The following FAM171A1 variants were observed in gnomAD, a reference collection of about 807,000 sequenced individuals.
The protein encoded by FAM171A1 is protein FAM171A1.
FAM171A1 carries 23 observed loss-of-function variants against 74.9 expected under a neutral mutation model. The ratio of observed to expected loss-of-function variants is 0.31; its 90% confidence interval spans 0.22 to 0.44. FAM171A1 has a LOEUF of 0.44. FAM171A1 is among the 20% of genes least tolerant of loss of function. The pLI is 1.00. For missense variants in FAM171A1, 1,162 were observed against 1,159.2 expected (o/e 1.00, Z -0.03); for synonymous variants, 527 against 505.7 (o/e 1.04, Z -0.57).
At chr10:15,274,149 C>T (rs1263363327) in intron 3 of FAM171A1, among the ~76,000 whole-genome samples, 1 of 152,112 alleles carries the variant, frequency 6.6e-6, no homozygotes, top group Admixed American at 6.5e-5. Flanking sequence ...TCGTCTCAGC[C>T]CAAAATCTCC....
At chr10:15,236,707 G>C (rs1834295487) in intron 5 of FAM171A1, among the ~76,000 whole-genome samples, 1 of 152,190 alleles carries the variant, frequency 6.6e-6, no homozygotes, top group Middle Eastern at 3.2e-3. Context: ...ATACTTAAAA[G>C]TACTGAATTC....
At chr10:15,297,334 C>T (rs930911545) in intron 1 of FAM171A1, among the ~76,000 whole-genome samples, 13 of 152,160 alleles carry the variant, frequency 8.5e-5, no homozygotes, top group African/African-American at 3.1e-4. Flanking sequence ...GCTGGGATTA[C>T]AGGCATGAAC....
At chr10:15,281,271 CT>C (rs1199659966) in intron 2 of FAM171A1, among the ~76,000 whole-genome samples, 1 of 152,224 alleles carries the variant, frequency 6.6e-6, no homozygotes, top group African/African-American at 2.4e-5. Flanking sequence ...AGTTACACTT[CT>C]TTTCTTTATA....
intron 2 of FAM171A1, among the ~76,000 whole-genome samples, chr10:15,276,576 G>A (rs1389380308): frequency 6.6e-6 from 1 of 152,220 alleles, no homozygotes; most frequent in African/African-American, 2.4e-5. Context: ...AATGTTAGAT[G>A]TTAACATTAA....
intron 5 of FAM171A1, among the ~76,000 whole-genome samples, chr10:15,235,545 T>C (rs1834277345): frequency 6.6e-6 from 1 of 152,160 alleles, no homozygotes; most frequent in African/African-American, 2.4e-5. Context: ...TCTCTCAACA[T>C]ACTTTAATTC....
chr10:15,370,904 G>GCCGC, intron 1 of FAM171A1, 52 bp downstream of exon 1: 1 of 908,476 alleles, frequency 1.1e-6, no homozygotes, highest in African/African-American at 1.8e-5. Context: ...CGCCGCCTCC[G>GCCGC]CGCCAGGCCC....
rs1256273844 is a variant in FAM171A1, at chr10:15,214,667, TC to T, written c.987-67del. On this transcript the variant is annotated intron_variant, in intron 7 of 7. Coordinates refer to ENST00000378116, the MANE Select transcript of FAM171A1 (RefSeq NM_001010924.2). ...TCTCACAATGAAAAAGTTTCAAGTT[TC>T]AGGTAAAATCCTAATTCTCAATTTC... The T allele has an allele frequency of 3.4e-6, 5 of 1,488,894 alleles. No individual in the cohort carries two copies. The African/African-American group carries it at 7.1e-5, about 21-fold the overall frequency. 92.2% of individuals were successfully genotyped at this position (1,488,894 alleles called of 1,614,324 possible).
chr10:15,216,408 C>T (rs1022443855), intron 6 of FAM171A1, among the ~76,000 whole-genome samples: 1 of 152,080 alleles, frequency 6.6e-6, no homozygotes, highest in Admixed American at 6.5e-5. Flanking sequence ...TAGCATGTGC[C>T]GCATTTGAAA....
At position 15,214,042 on chromosome 10, in the gene FAM171A1, G is replaced by C. The variant is rs769213278; in HGVS notation, c.1546C>G (p.Gln516Glu). The C allele has an allele frequency of 6.2e-7, 1 of 1,614,190 alleles. No individual in the cohort carries two copies. Among genetic ancestry groups the C allele is most frequent in the Non-Finnish European group, 8.5e-7 (1 of 1,180,038 alleles). Residue 516 changes from glutamine (Q) to glutamate (E), a missense_variant, in exon 8 of 8, where the codon CAG becomes GAG. Coordinates refer to ENST00000378116, the MANE Select transcript of FAM171A1 (RefSeq NM_001010924.2). ...GAAGGCGCGGGGTACAGATGTTCCT[G>C]AATGGTGAGTTTGCTTCCCGTGGAG... ...PASTGSKLTI[Q>E]EHLYPAPSSP...
At position 15,214,569 on chromosome 10, in the gene FAM171A1, C is replaced by T. The variant is rs773927642; in HGVS notation, c.1019G>A (p.Arg340Lys). Residue 340 changes from arginine to lysine, a missense_variant, in exon 8 of 8, where the codon AGA becomes AAA. By Grantham distance (26) the Arg-to-Lys change is conservative. Coordinates refer to ENST00000378116, the MANE Select transcript of FAM171A1 (RefSeq NM_001010924.2). ...CAGTCCTGCAGGGAGCTGCAGTTTT[C>T]TGTGGTGCTGACGAGGTTTCAAGCA... Reference protein sequence around the residue: ...RKCLKPRQHHRKLQLPAGLES... With the variant: ...RKCLKPRQHHKKLQLPAGLES... 1 of 1,610,830 alleles carries T rather than the reference C, an allele frequency of 6.2e-7. No homozygotes were observed. The highest frequency in any genetic ancestry group is 2.2e-5 in the East Asian group (1 of 44,788).
intron 1 of FAM171A1, among the ~76,000 whole-genome samples, chr10:15,354,513 G>A (rs754949852): frequency 9.2e-5 from 14 of 151,748 alleles, no homozygotes; most frequent in Admixed American, 3.3e-4. Context: ...AGTGGTGGAC[G>A]GTGGAACTTT....
intron 3 of FAM171A1, among the ~76,000 whole-genome samples, chr10:15,275,278 T>C (rs953453546): frequency 1.3e-5 from 2 of 151,580 alleles, no homozygotes; most frequent in South Asian, 2.1e-4. Flanking sequence ...AATAAGTGGA[T>C]TCCATTTAAG....
chr10:15,365,222 G>A (rs943817038), intron 1 of FAM171A1, among the ~76,000 whole-genome samples: 1 of 152,208 alleles, frequency 6.6e-6, no homozygotes, highest in Admixed American at 6.5e-5. Context: ...GATTTTAAGG[G>A]AGGGAAGGGA....
intron 2 of FAM171A1, among the ~76,000 whole-genome samples, chr10:15,279,491 G>A (rs916472296): frequency 6.6e-6 from 1 of 151,358 alleles, no homozygotes; most frequent in Non-Finnish European, 1.5e-5. Context: ...GCTGATTGAT[G>A]TCTGGAGGTG....
At chr10:15,374,454 G>C (rs906630670), upstream of FAM171A1, among the ~76,000 whole-genome samples, 5 of 152,198 alleles carry the variant, frequency 3.3e-5, no homozygotes, top group African/African-American at 1.2e-4. Flanking sequence ...CCAGAATTAT[G>C]TAAGAATTAA....
Position 15,220,979 on chromosome 10 carries a change from C to G in FAM171A1, c.836G>C (p.Gly279Ala), listed in dbSNP as rs777365887. ...LTWTYIAPQLGYWVAAMSPPI... is the reference protein window; with the variant it reads ...LTWTYIAPQLAYWVAAMSPPI... ...AGGGGACATGGCGGCCACCCAGTAC[C>G]CCAACTGGGGGGCAATGTATGTCCA... Residue 279 changes from glycine (G) to alanine (A), a missense_variant, in exon 6 of 8, where the codon GGG becomes GCG. Gly to Ala is a moderately conservative substitution (Grantham distance 60). Coordinates refer to ENST00000378116, the MANE Select transcript of FAM171A1 (RefSeq NM_001010924.2). 1 of 1,614,034 alleles carries G rather than the reference C, an allele frequency of 6.2e-7. No individual in the cohort carries two copies. Among genetic ancestry groups the G allele is most frequent in the Non-Finnish European group, 8.5e-7 (1 of 1,179,978 alleles).
At chr10:15,283,820 T>A (rs932508667) in intron 2 of FAM171A1, 58 bp downstream of exon 2, 6 of 1,556,674 alleles carry the variant, frequency 3.9e-6, no homozygotes, top group Non-Finnish European at 3.5e-6. Context: ...CCTGGCCTTA[T>A]GCGATCCTCC....
At chr10:15,251,196 C>T (rs999531676) in intron 4 of FAM171A1, among the ~76,000 whole-genome samples, 1 of 152,160 alleles carries the variant, frequency 6.6e-6, no homozygotes, top group Non-Finnish European at 1.5e-5. Flanking sequence ...ATTGCAGAAA[C>T]GAGCATATTA....
intron 5 of FAM171A1, among the ~76,000 whole-genome samples, chr10:15,242,608 C>T (rs145910114): frequency 2.6e-5 from 4 of 152,154 alleles, no homozygotes; most frequent in Non-Finnish European, 5.9e-5. Context: ...CATGGTGAGA[C>T]CTTGTGTCTA....
Sources: allele counts gnomAD v4.1 joint callset (sites outside exome capture counted in the v4.1 genomes callset), GRCh38; gene constraint gnomAD v4.1.1; transcripts MANE v1.5; gene names NCBI Gene and HGNC (gene_info 2026-07-23, HGNC 2026-07-21).